The following SYN3 variants were observed in gnomAD, a reference collection of about 807,000 sequenced individuals.
SYN3 encodes synapsin III.
Under a neutral mutation model 65.8 loss-of-function variants are expected in SYN3, and 35 were observed. The ratio of observed to expected loss-of-function variants is 0.53; its 90% CI spans 0.41 to 0.70. The LOEUF (loss-of-function observed/expected upper bound fraction) is 0.70, where lower values mean the gene tolerates loss of function less well. Among genes scored for constraint, SYN3 ranks in the 30% least tolerant of loss-of-function variants. SYN3 has a pLI of 0.00. For missense variants in SYN3, 680 were observed against 749.0 expected, an observed-to-expected ratio of 0.91 and a Z score of 1.08; for synonymous variants, 270 against 292.9, an observed-to-expected ratio of 0.92 and a Z score of 0.80.
At chr22:32,751,256 C>T (rs2040477597) in intron 6 of SYN3, among the ~76,000 whole-genome samples, 1 of 152,146 alleles carries the variant, frequency 6.6e-6, no homozygotes, top group African/African-American at 2.4e-5. Context: ...GGAGCAGTGA[C>T]CTTTAGAGGT....
At chr22:32,591,058 C>G (rs75402253) in intron 7 of SYN3, among the ~76,000 whole-genome samples, 2,431 of 152,244 alleles carry the variant, frequency 0.016, 71 homozygotes, top group African/African-American at 0.056. Context: ...TCACAACCAG[C>G]TTACGAAGCT....
At chr22:32,598,548 C>T (rs545847764) in intron 6 of SYN3, among the ~76,000 whole-genome samples, 3 of 152,132 alleles carry the variant, frequency 2.0e-5, no homozygotes, top group Non-Finnish European at 4.4e-5. Context: ...TGCAGTGGCA[C>T]GATCTTGGCC....
At chr22:32,777,187 T>C (rs2045927591) in intron 6 of SYN3, among the ~76,000 whole-genome samples, 3 of 152,116 alleles carry the variant, frequency 2.0e-5, no homozygotes, top group Admixed American at 2.0e-4. Context: ...GAACATTTAG[T>C]GACCCATCGA....
chr22:32,725,790 T>C (rs1444151724), intron 6 of SYN3, among the ~76,000 whole-genome samples: 1 of 152,238 alleles, frequency 6.6e-6, no homozygotes, highest in Non-Finnish European at 1.5e-5. Flanking sequence ...ATTTGTGTTG[T>C]TTTAAGCCAC....
intron 4 of SYN3, among the ~76,000 whole-genome samples, chr22:32,928,992 G>T (rs535898611): frequency 2.0e-5 from 3 of 152,174 alleles, no homozygotes; most frequent in Admixed American, 6.5e-5. Context: ...AAAAAAAAAT[G>T]GTTGTATCGG....
chr22:32,990,628 T>C (rs2052686926), intron 2 of SYN3, among the ~76,000 whole-genome samples: 1 of 152,236 alleles, frequency 6.6e-6, no homozygotes, highest in Admixed American at 6.5e-5. Flanking sequence ...AGCCAGGAGA[T>C]AGTCCCAGAA....
intron 1 of SYN3, among the ~76,000 whole-genome samples, chr22:33,025,756 T>C (rs1237370613): frequency 2.0e-5 from 3 of 152,132 alleles, no homozygotes; most frequent in Non-Finnish European, 4.4e-5. Context: ...CCACAATTCT[T>C]CATCAGCCCC....
At chr22:32,912,187 G>A (rs867201025) in intron 4 of SYN3, among the ~76,000 whole-genome samples, 10 of 152,302 alleles carry the variant, frequency 6.6e-5, no homozygotes, top group Middle Eastern at 3.4e-3. Context: ...ATAGTTGCCC[G>A]CAGAGCTTTG....
At chr22:32,948,737 A>AATAAATAC (rs2146808636) in intron 3 of SYN3, among the ~76,000 whole-genome samples, 1 of 108 alleles carries the variant, frequency 9.3e-3, no homozygotes, top group Non-Finnish European at 0.016. Flanking sequence ...ACTCCGTCTC[A>AATAAATAC]ATAAATAAAT....
intron 1 of SYN3, among the ~76,000 whole-genome samples, chr22:33,025,588 C>T (rs987449160): frequency 6.6e-6 from 1 of 150,594 alleles, no homozygotes. Flanking sequence ...GAGCTGAGAT[C>T]GCACCACTGG....
intron 3 of SYN3, among the ~76,000 whole-genome samples, chr22:32,934,822 G>A (rs8139856): frequency 0.012 from 1,895 of 152,248 alleles, 32 homozygotes; most frequent in African/African-American, 0.042. Flanking sequence ...TGGGAGTTGC[G>A]GGGGAGGCAC....
intron 7 of SYN3, among the ~76,000 whole-genome samples, chr22:32,582,906 A>G (rs970441509): frequency 6.6e-6 from 1 of 151,996 alleles, no homozygotes; most frequent in Non-Finnish European, 1.5e-5. Flanking sequence ...TCCTCCATCG[A>G]CCTGCTGAGT....
At chr22:32,532,768 G>A (rs2058098336) in intron 10 of SYN3, among the ~76,000 whole-genome samples, 1 of 152,184 alleles carries the variant, frequency 6.6e-6, no homozygotes, top group Non-Finnish European at 1.5e-5. Context: ...CCCCAGCCAT[G>A]TGCTTCCCAT....
chr22:32,896,540 C>T (rs1014967867), intron 4 of SYN3, among the ~76,000 whole-genome samples: 2 of 152,188 alleles, frequency 1.3e-5, no homozygotes, highest in Non-Finnish European at 2.9e-5. Context: ...CCAGAGAAGA[C>T]TTAGATAAAT....
intron 9 of SYN3, among the ~76,000 whole-genome samples, chr22:32,536,273 A>G (rs2058163684): frequency 6.6e-6 from 1 of 152,210 alleles, no homozygotes; most frequent in Admixed American, 6.5e-5. Flanking sequence ...CGCAGCCTCC[A>G]AGAGACTCAT....
At chr22:32,569,004 G>A (rs1016741) in intron 7 of SYN3, among the ~76,000 whole-genome samples, 47,723 of 151,966 alleles carry the variant, frequency 0.31, 7,728 homozygotes, top group East Asian at 0.52. Context: ...GTTGTTAGAG[G>A]AATCAGAAGA....
intron 6 of SYN3, among the ~76,000 whole-genome samples, chr22:32,733,168 A>C (rs1483996200): frequency 1.3e-5 from 2 of 152,158 alleles, no homozygotes; most frequent in African/African-American, 4.8e-5. Context: ...CAGATTTTCA[A>C]CTCTTGAGAA....
intron 3 of SYN3, among the ~76,000 whole-genome samples, chr22:32,932,615 T>A (rs1198897589): frequency 2.6e-5 from 4 of 152,124 alleles, no homozygotes; most frequent in Admixed American, 2.6e-4. Flanking sequence ...AGACCTACCT[T>A]TGGATTTTGT....
chr22:32,797,671 C>T (rs911264599), intron 6 of SYN3, among the ~76,000 whole-genome samples: 2 of 152,174 alleles, frequency 1.3e-5, no homozygotes, highest in Non-Finnish European at 2.9e-5. Context: ...CTCTGAAATT[C>T]TGTTTTCGGC....
Sources: gnomAD v4.1 joint callset for allele counts (sites outside exome capture counted in the v4.1 genomes callset) on GRCh38, gnomAD v4.1.1 for gene constraint, MANE v1.5 for transcripts, NCBI Gene and HGNC (gene_info 2026-07-23, HGNC 2026-07-21) for gene names.